ASAP1: variants seen among roughly 807,000 people sequenced by gnomAD.
ASAP1 encodes the protein ArfGAP with SH3 domain, ankyrin repeat and PH domain 1.
In ASAP1, 43 loss-of-function variants were observed where a neutral mutation model predicts 145.2. The observed-to-expected ratio is 0.30, with a 90% CI of 0.23 to 0.38. The LOEUF (loss-of-function observed/expected upper bound fraction) is 0.38, where lower values mean the gene tolerates loss of function less well. Among genes scored for constraint, ASAP1 ranks in the 10% least tolerant of loss-of-function variants. The probability of loss-of-function intolerance (pLI) is 1.00; values close to 1 mark genes in which losing one functional copy is unlikely to be tolerated. For missense variants in ASAP1, 1,018 were observed against 1,355.3 expected (o/e 0.75, Z 3.91); for synonymous variants, 546 against 515.5 (o/e 1.06, Z -0.80).
intron 3 of ASAP1, among the ~76,000 whole-genome samples, chr8:130,355,074 T>C (rs566360287): frequency 4.6e-5 from 7 of 152,278 alleles, no homozygotes; most frequent in Admixed American, 1.3e-4. Context: ...AGATGGGGTT[T>C]CCCTATCTTG....
rs369720584 is a variant in ASAP1 at position 130,300,153 on chromosome 8, CAGAGAGAG to C, written c.186+57856_186+57863del. On this transcript the variant is annotated intron_variant, in intron 3 of 29. Coordinates refer to ENST00000518721, the MANE Select transcript of ASAP1 (RefSeq NM_018482.4). Reference sequence around the variant, plus strand: ...ACACACACACACACACACACACACACAGAGAGAGAGAGAGAGAGAGAGAGAGAGAGAGA... The same window carrying C: ...ACACACACACACACACACACACACACAGAGAGAGAGAGAGAGAGAGAGAGA... Among the ~76,000 whole-genome samples, 168 of 76,854 alleles carry C rather than the reference CAGAGAGAG, an allele frequency of 2.2e-3. 1 individual carries two copies. The highest frequency in any genetic ancestry group is 3.3e-3 in the Admixed American group (21 of 6,442). 50.4% of individuals were successfully genotyped at this position (76,854 alleles called of 152,430 possible). A position where few individuals can be genotyped will look rare whatever the true frequency, so the allele number is the denominator to read the frequency against.
intron 3 of ASAP1, among the ~76,000 whole-genome samples, chr8:130,299,143 C>T (rs1822467924): frequency 6.6e-6 from 1 of 152,114 alleles, no homozygotes; most frequent in East Asian, 1.9e-4. Flanking sequence ...CGTGCCTCTG[C>T]AGGTCTGCCC....
intron 27 of ASAP1, among the ~76,000 whole-genome samples, chr8:130,076,039 T>C (rs888452868): frequency 1.7e-4 from 26 of 152,226 alleles, no homozygotes; most frequent in Admixed American, 5.9e-4. Flanking sequence ...GTAGAGCTGG[T>C]GTTGGTTCCC....
rs751829907 is a variant in ASAP1, at chr8:130,053,764, T to C, written c.*967A>G. The C allele has an allele frequency of 6.6e-6, 1 of 152,244 alleles. No individual in the cohort carries two copies. Among genetic ancestry groups the C allele is most frequent in the Non-Finnish European group, 1.5e-5 (1 of 68,038 alleles). 9.4% of individuals were successfully genotyped at this position (152,244 alleles called of 1,614,324 possible). A position where few individuals can be genotyped will look rare whatever the true frequency, so the allele number is the denominator to read the frequency against. On this transcript the variant is annotated 3_prime_UTR_variant, in exon 30 of 30. Transcript: ENST00000518721. ...AACACATCTGAGAGATGTGCATTCATAACACAATATGTCAATCCATACTCT... is the reference window on the plus strand; with the variant it reads ...AACACATCTGAGAGATGTGCATTCACAACACAATATGTCAATCCATACTCT...
At chr8:130,170,446 C>G (rs939462454) in intron 9 of ASAP1, among the ~76,000 whole-genome samples, 10 of 151,966 alleles carry the variant, frequency 6.6e-5, no homozygotes, top group African/African-American at 2.4e-4. Flanking sequence ...TGAGCCACTG[C>G]GCCCAGCTTA....
intron 17 of ASAP1, among the ~76,000 whole-genome samples, chr8:130,124,930 G>A (rs1040144494): frequency 2.6e-5 from 4 of 152,206 alleles, no homozygotes; most frequent in Admixed American, 2.6e-4. Context: ...GAACTAGGGA[G>A]CCGAGTATCA....
intron 24 of ASAP1, among the ~76,000 whole-genome samples, chr8:130,104,846 A>G (rs2097534428): frequency 6.6e-6 from 1 of 152,186 alleles, no homozygotes. Context: ...AAATAAAAGT[A>G]TAACTGAAGT....
intron 2 of ASAP1, among the ~76,000 whole-genome samples, chr8:130,374,956 T>A (rs982785136): frequency 6.6e-6 from 1 of 152,216 alleles, no homozygotes; most frequent in African/African-American, 2.4e-5. Flanking sequence ...GAATCATTTG[T>A]GGGCCCCCTT....
intron 3 of ASAP1, among the ~76,000 whole-genome samples, chr8:130,332,674 C>T (rs1208133945): frequency 1.3e-5 from 2 of 152,118 alleles, no homozygotes; most frequent in Non-Finnish European, 2.9e-5. Context: ...AATAAAAAGG[C>T]TGCTTCCTTA....
chr8:130,294,645 T>C (rs909353692), intron 3 of ASAP1, among the ~76,000 whole-genome samples: 2 of 152,242 alleles, frequency 1.3e-5, no homozygotes, highest in African/African-American at 4.8e-5. Flanking sequence ...CTCTTCTCCC[T>C]TACTGGGGTT....
intron 27 of ASAP1, among the ~76,000 whole-genome samples, chr8:130,072,838 G>A (rs112654137): frequency 0.4 from 16,094 of 40,546 alleles, 2,041 homozygotes; most frequent in African/African-American, 0.5. Context: ...CGCGGGGGGG[G>A]GCAGTTTTGG....
At chr8:130,075,685 T>C (rs2097460753) in intron 27 of ASAP1, among the ~76,000 whole-genome samples, 1 of 152,154 alleles carries the variant, frequency 6.6e-6, no homozygotes, top group South Asian at 2.1e-4. Context: ...ATCACTTGTG[T>C]TGTAATAAGA....
intron 1 of ASAP1, among the ~76,000 whole-genome samples, chr8:130,439,527 G>C (rs150049692): frequency 1.3e-5 from 2 of 152,034 alleles, no homozygotes; most frequent in East Asian, 3.9e-4. Flanking sequence ...CTTACTGTGA[G>C]CACTTATTAT....
chr8:130,368,807 T>C (rs1041628387), intron 2 of ASAP1, among the ~76,000 whole-genome samples: 1 of 152,220 alleles, frequency 6.6e-6, no homozygotes, highest in African/African-American at 2.4e-5. Flanking sequence ...TTTGAACCAC[T>C]GGATCCACAA....
intron 3 of ASAP1, among the ~76,000 whole-genome samples, chr8:130,248,875 TTTC>T (rs1819019417): frequency 6.6e-6 from 1 of 152,144 alleles, no homozygotes; most frequent in African/African-American, 2.4e-5. Context: ...GTTTAACCCT[TTTC>T]CCAAGAGGCC....
At chr8:130,336,349 G>C (rs552037480) in intron 3 of ASAP1, among the ~76,000 whole-genome samples, 1 of 152,270 alleles carries the variant, frequency 6.6e-6, no homozygotes, top group South Asian at 2.1e-4. Context: ...AGCAGCAGTG[G>C]CATCACCTGA....
At chr8:130,130,397 A>C (rs1180791964) in intron 15 of ASAP1, among the ~76,000 whole-genome samples, 3 of 152,214 alleles carry the variant, frequency 2.0e-5, no homozygotes, top group African/African-American at 7.2e-5. Context: ...ATGACAAATA[A>C]ATAAAGAAGT....
rs58367856 is a variant in ASAP1, at chr8:130,151,370, C to CAAAAAA, written c.1080+1360_1080+1365dup. Reference sequence around the variant, plus strand: ...TGGGTGAAAGAGCGAGACTCAGTCTCAAAAAAAAAAAAAAAAAAAAAAAAA... The same window carrying CAAAAAA: ...TGGGTGAAAGAGCGAGACTCAGTCTCAAAAAAAAAAAAAAAAAAAAAAAAAAAAAAA... On this transcript the variant is annotated intron_variant, in intron 13 of 29. Coordinates refer to ENST00000518721, the MANE Select transcript of ASAP1 (RefSeq NM_018482.4). 1.2e-3 allele frequency among the ~76,000 whole-genome samples: 73 copies of CAAAAAA among 62,842 alleles called. 3 individuals carry two copies. Among genetic ancestry groups the CAAAAAA allele is most frequent in the African/African-American group, 1.4e-3 (25 of 18,106 alleles). The allele number at this position is 62,842 out of a possible 152,430, so 41.2% of individuals were successfully genotyped here.
intron 1 of ASAP1, among the ~76,000 whole-genome samples, chr8:130,421,222 G>A (rs1028095344): frequency 6.6e-6 from 1 of 152,224 alleles, no homozygotes; most frequent in African/African-American, 2.4e-5. Flanking sequence ...AGTGTCTAGA[G>A]TTGGGAGGGA....
Sources: allele counts gnomAD v4.1 joint callset (sites outside exome capture counted in the v4.1 genomes callset), GRCh38; gene constraint gnomAD v4.1.1; transcripts MANE v1.5; gene names NCBI Gene and HGNC (gene_info 2026-07-23, HGNC 2026-07-21).